The following TYW1B variants were observed in gnomAD, a reference collection of about 807,000 sequenced individuals.
TYW1B encodes S-adenosyl-L-methionine-dependent tRNA 4-demethylwyosine synthase TYW1B.
Under a neutral mutation model 86.9 loss-of-function variants are expected in TYW1B, and 73 were observed. That is an observed-to-expected ratio of 0.84 (90% confidence interval 0.70 to 1.02). The LOEUF is 1.02. Among genes scored for constraint, TYW1B ranks in the 50% least tolerant of loss-of-function variants. TYW1B has a pLI of 0.00. For synonymous variants in TYW1B, 248 were observed against 292.8 expected (o/e 0.85, Z 1.56); for missense variants, 637 against 827.4 (o/e 0.77, Z 2.82).
At chr7:72,606,596 G>A (rs1342969441) in intron 13 of TYW1B, among the ~76,000 whole-genome samples, 5 of 94,990 alleles carry the variant, frequency 5.3e-5, no homozygotes, top group Non-Finnish European at 9.4e-5. Context: ...CCACCACCCA[G>A]CAGCAATAAG....
At chr7:72,619,771 T>C (rs1363447028) in intron 12 of TYW1B, among the ~76,000 whole-genome samples, 4 of 152,040 alleles carry the variant, frequency 2.6e-5, no homozygotes, top group Non-Finnish European at 4.4e-5. Flanking sequence ...GTGTACTCTA[T>C]CTCAATTTAA....
intron 11 of TYW1B, among the ~76,000 whole-genome samples, chr7:72,660,777 T>C (rs1449425986): frequency 2.6e-4 from 39 of 152,088 alleles, no homozygotes; most frequent in African/African-American, 9.4e-4. Context: ...GGTTCTGGAT[T>C]ACAGTCACAA....
At chr7:72,798,959 C>T (rs1200664784) in intron 6 of TYW1B, among the ~76,000 whole-genome samples, 1 of 151,998 alleles carries the variant, frequency 6.6e-6, no homozygotes, top group Non-Finnish European at 1.5e-5. Context: ...ACTTTTTCTA[C>T]TAGGTTTTTG....
chr7:72,757,461 A>G (rs1043166166), intron 7 of TYW1B, among the ~76,000 whole-genome samples: 1 of 152,266 alleles, frequency 6.6e-6, no homozygotes, highest in African/African-American at 2.4e-5. Flanking sequence ...CTTATACTAC[A>G]TAATTTCAGA....
At chr7:72,652,479 C>G (rs1230386581) in intron 11 of TYW1B, among the ~76,000 whole-genome samples, 3 of 150,268 alleles carry the variant, frequency 2.0e-5, no homozygotes, top group African/African-American at 7.4e-5. Flanking sequence ...TACAACATGG[C>G]TAAATGATAG....
At chr7:72,696,507 C>T (rs575181227) in intron 10 of TYW1B, among the ~76,000 whole-genome samples, 2 of 152,302 alleles carry the variant, frequency 1.3e-5, no homozygotes, top group African/African-American at 4.8e-5. Flanking sequence ...CAATTCACCA[C>T]TTTAAAATGG....
chr7:72,692,042 C>A (rs1814178514), intron 11 of TYW1B, among the ~76,000 whole-genome samples: 1 of 151,350 alleles, frequency 6.6e-6, no homozygotes, highest in Admixed American at 6.6e-5. Context: ...CCCATCTCTA[C>A]TAAAAATACA....
chr7:72,753,882 T>C (rs1787544225), intron 7 of TYW1B, among the ~76,000 whole-genome samples: 1 of 152,154 alleles, frequency 6.6e-6, no homozygotes, highest in African/African-American at 2.4e-5. Flanking sequence ...CAGACTATGG[T>C]ATAGTGCAAA....
Position 72,713,789 on chromosome 7 carries a change from C to A in TYW1B, c.1202G>T (p.Gly401Val). The change falls in exon 10 of 14, where the codon GGC becomes GTC. Residue 401 changes from glycine (G) to valine (V), a missense_variant. Physicochemically the swap from Gly to Val is moderately radical, Grantham distance 109. Coordinates refer to ENST00000620995, the MANE Select transcript of TYW1B (RefSeq NM_001145440.3). ...NMIKQFKGVPGVKAERFEEGM... is the reference protein window; with the variant it reads ...NMIKQFKGVPVVKAERFEEGM... ...TTCTTCAAAGCGTTCTGCTTTGACG[C>A]CCGGTACTCCTGGAGAATACAGTGA... is the stretch of plus-strand genomic sequence containing the variant. The A allele has an allele frequency of 6.3e-7, 1 of 1,582,796 alleles. No individual in the cohort carries two copies. The highest frequency in any genetic ancestry group is 1.3e-5 in the African/African-American group (1 of 74,154).
chr7:72,680,745 C>T (rs1429930106), intron 11 of TYW1B, among the ~76,000 whole-genome samples: 4 of 152,000 alleles, frequency 2.6e-5, no homozygotes, highest in South Asian at 2.1e-4. Context: ...ATACTGAAGA[C>T]GATATGGAAC....
At chr7:72,794,693 G>C (rs1554474196) in intron 6 of TYW1B, among the ~76,000 whole-genome samples, 1 of 152,142 alleles carries the variant, frequency 6.6e-6, no homozygotes, top group African/African-American at 2.4e-5. Context: ...GATGGTCATG[G>C]AAGATATCTC....
chr7:72,740,654 A>AT (rs1554462041), intron 8 of TYW1B, among the ~76,000 whole-genome samples: 1 of 152,074 alleles, frequency 6.6e-6, no homozygotes, highest in Non-Finnish European at 1.5e-5. Context: ...AGAGCAAGCA[A>AT]TAAAAAACAA....
At chr7:72,812,969 T>C (rs546119845) in intron 3 of TYW1B, among the ~76,000 whole-genome samples, 6 of 152,096 alleles carry the variant, frequency 3.9e-5, no homozygotes, top group Non-Finnish European at 7.4e-5. Context: ...TGGGATTATA[T>C]AGGCAAGAGC....
intron 7 of TYW1B, among the ~76,000 whole-genome samples, chr7:72,762,674 T>G (rs1289525276): frequency 6.6e-6 from 1 of 152,124 alleles, no homozygotes; most frequent in Non-Finnish European, 1.5e-5. Context: ...TTTGTTTTTC[T>G]TTTTAGACAG....
chr7:72,632,355 T>TACACG (rs1491329360), intron 11 of TYW1B, among the ~76,000 whole-genome samples: 12 of 117,902 alleles, frequency 1.0e-4, no homozygotes, highest in African/African-American at 3.7e-4. Flanking sequence ...ATTATATATA[T>TACACG]TATATATATA....
chr7:72,714,497 T>C (rs1185137410), intron 9 of TYW1B, among the ~76,000 whole-genome samples: 1 of 150,302 alleles, frequency 6.7e-6, no homozygotes, highest in African/African-American at 2.4e-5. Context: ...GTGGCACATG[T>C]CTGTGGTCCC....
chr7:72,719,074 GC>G (rs1786843756), intron 9 of TYW1B, among the ~76,000 whole-genome samples: 1 of 151,982 alleles, frequency 6.6e-6, no homozygotes, highest in South Asian at 2.1e-4. Flanking sequence ...GGGGTGCCAG[GC>G]CCAGCACATA....
chr7:72,578,995 G>C (rs1215838215), intron 13 of TYW1B, among the ~76,000 whole-genome samples: 1 of 151,778 alleles, frequency 6.6e-6, no homozygotes, highest in Non-Finnish European at 1.5e-5. Flanking sequence ...ATAATTATTT[G>C]CCATGGGTGT....
At chr7:72,800,658 T>C (rs1554475429) in intron 6 of TYW1B, among the ~76,000 whole-genome samples, 1 of 146,376 alleles carries the variant, frequency 6.8e-6, no homozygotes, top group East Asian at 2.0e-4. Context: ...AGATACCTTG[T>C]GGTATGTTTC....
Sources: allele counts gnomAD v4.1 joint callset (sites outside exome capture counted in the v4.1 genomes callset), GRCh38; gene constraint gnomAD v4.1.1; transcripts MANE v1.5; gene names NCBI Gene and HGNC (gene_info 2026-07-23, HGNC 2026-07-21).